The following ATG7 variants were observed in gnomAD, a reference collection of about 807,000 sequenced individuals.
ATG7 encodes the protein autophagy related 7, also known as ubiquitin-like modifier-activating enzyme ATG7.
ATG7 carries 70 observed loss-of-function variants against 82.4 expected under a neutral mutation model. The ratio of observed to expected loss-of-function variants is 0.85; its 90% CI spans 0.70 to 1.04. The LOEUF is 1.04. Among genes scored for constraint, ATG7 ranks in the 50% least tolerant of loss-of-function variants. The pLI, the probability that ATG7 is intolerant of heterozygous loss-of-function variation, is 0.00. For synonymous variants in ATG7, 287 were observed against 313.0 expected, an observed-to-expected ratio of 0.92 and a Z score of 0.88; for missense variants, 792 against 864.3, an observed-to-expected ratio of 0.92 and a Z score of 1.05.
the ATG7 span, among the ~76,000 whole-genome samples, chr3:11,564,412 C>CCG: frequency 1.3e-5 from 2 of 151,690 alleles, no homozygotes; most frequent in Admixed American, 1.3e-4. Flanking sequence ...AGGACCCCCC[C>CCG]ACCCGAGGAT....
chr3:11,568,018 G>A, the ATG7 span, among the ~76,000 whole-genome samples: 74 of 152,266 alleles, frequency 4.9e-4, no homozygotes, highest in African/African-American at 1.6e-3. This position sits in a 1 kb window ranked among gnomAD's most constrained non-coding sequence, Gnocchi z 5.9. Flanking sequence ...TCCCTGTTCT[G>A]TGGAGGTTCC....
At chr3:11,273,200 A>T (rs897793442) in intron 1 of ATG7, among the ~76,000 whole-genome samples, 18 of 152,242 alleles carry the variant, frequency 1.2e-4, no homozygotes, top group African/African-American at 4.1e-4. Context: ...AACCCTGTTC[A>T]ACTGTAACCA....
chr3:11,362,801 G>A lies in ATG7; in HGVS notation c.1684-12G>A. On this transcript the variant is annotated splice_polypyrimidine_tract_variant and intron_variant, in intron 16 of 20. Transcript: ENST00000693202. ...GAACGTTCTGCACACACCAATGATTGTTTCTTTGCAGTCAACCAGAGACCG... is the reference window on the plus strand; with the variant it reads ...GAACGTTCTGCACACACCAATGATTATTTCTTTGCAGTCAACCAGAGACCG... The A allele has an allele frequency of 6.2e-7, 1 of 1,612,332 alleles. No homozygotes were observed. The highest frequency in any genetic ancestry group is 8.5e-7 in the Non-Finnish European group (1 of 1,178,640).
the ATG7 span, among the ~76,000 whole-genome samples, chr3:11,573,114 C>A: frequency 6.6e-6 from 1 of 151,448 alleles, no homozygotes. Flanking sequence ...TGCAGTGAGC[C>A]AAGATCGAGC....
At chr3:11,492,492 C>G (rs145477131) in intron 20 of ATG7, among the ~76,000 whole-genome samples, 1,730 of 152,320 alleles carry the variant, frequency 0.011, 31 homozygotes, top group African/African-American at 0.039. Flanking sequence ...TCCAGCCCCT[C>G]CAGGATATTT....
intron 3 of ATG7, chr3:11,290,540 C>T (rs1944800972): frequency 1.1e-5 from 4 of 372,116 alleles, no homozygotes; most frequent in South Asian, 3.8e-5. Context: ...TCCTCTTCTC[C>T]TCCAGGTAGC....
intron 19 of ATG7, among the ~76,000 whole-genome samples, chr3:11,420,724 T>TA (rs2081856940): frequency 6.6e-6 from 1 of 151,672 alleles, no homozygotes; most frequent in South Asian, 2.1e-4. Context: ...TGTCTAAAAA[T>TA]ACATGCATAC....
intron 19 of ATG7, among the ~76,000 whole-genome samples, chr3:11,392,471 C>CA (rs386395940): frequency 1.7e-4 from 26 of 149,364 alleles, no homozygotes; most frequent in Non-Finnish European, 2.8e-4. Flanking sequence ...AAAAAACAAA[C>CA]AAAAAAAACA....
intron 9 of ATG7, among the ~76,000 whole-genome samples, chr3:11,320,762 GT>G (rs1386877880): frequency 2.0e-5 from 3 of 152,244 alleles, no homozygotes; most frequent in African/African-American, 7.2e-5. Context: ...GCATAAATGA[GT>G]TGTGAAGACT....
At chr3:11,364,422 A>C (rs1399075211) in intron 17 of ATG7, among the ~76,000 whole-genome samples, 1 of 152,212 alleles carries the variant, frequency 6.6e-6, no homozygotes, top group African/African-American at 2.4e-5. Context: ...GAAGCACAGA[A>C]AAGTTAAGCA....
intron 20 of ATG7, among the ~76,000 whole-genome samples, chr3:11,492,511 C>A (rs959135799): frequency 1.3e-5 from 2 of 152,202 alleles, no homozygotes; most frequent in African/African-American, 4.8e-5. Flanking sequence ...TTTCTTGACA[C>A]CCTTTGCTGA....
chr3:11,367,981 G>C (rs1371089704), intron 18 of ATG7, among the ~76,000 whole-genome samples: 1 of 151,954 alleles, frequency 6.6e-6, no homozygotes, highest in Non-Finnish European at 1.5e-5. Flanking sequence ...TCAGAACAAA[G>C]TAACTATCAA....
chr3:11,485,937 T>G (rs2089581247), intron 20 of ATG7, among the ~76,000 whole-genome samples: 1 of 152,182 alleles, frequency 6.6e-6, no homozygotes, highest in African/African-American at 2.4e-5. Flanking sequence ...CTGTTTTGGT[T>G]ACTGTAGCCT....
intron 20 of ATG7, among the ~76,000 whole-genome samples, chr3:11,502,033 C>T (rs201908905): frequency 9.6e-5 from 4 of 41,518 alleles, no homozygotes; most frequent in East Asian, 0.042. Flanking sequence ...CATATATACA[C>T]ACATACACAC....
At chr3:11,318,125 C>T (rs73125426) in intron 9 of ATG7, among the ~76,000 whole-genome samples, 2,539 of 152,268 alleles carry the variant, frequency 0.017, 67 homozygotes, top group African/African-American at 0.057. Flanking sequence ...CTGGGGTCTC[C>T]TCTGAAGTGC....
rs112866544 is a variant in ATG7 at position 11,413,427 on chromosome 3, T to TC, written c.1957-13370dup. Among the ~76,000 whole-genome samples the TC allele has an allele frequency of 4.0e-3, 610 of 152,132 alleles. 6 individuals are homozygous for TC. The highest frequency in any genetic ancestry group is 0.013 in the African/African-American group (557 of 41,494). On this transcript the variant is annotated intron_variant, in intron 19 of 20. Coordinates refer to ENST00000693202, the MANE Select transcript of ATG7 (RefSeq NM_001349232.2). ...CATCAATCGAGATGATTGTGTGGCT[T>TC]CCCCCCCGCCCCACTTTCTTCAGTT...
chr3:11,419,402 A>T (rs1385280009), intron 19 of ATG7, among the ~76,000 whole-genome samples: 1 of 152,110 alleles, frequency 6.6e-6, no homozygotes. Context: ...AACAATACAA[A>T]AATTAGCCAG....
chr3:11,274,863 G>T (rs183744975), intron 1 of ATG7, among the ~76,000 whole-genome samples: 7 of 151,908 alleles, frequency 4.6e-5, no homozygotes, highest in Non-Finnish European at 1.0e-4. Flanking sequence ...CAGAAGTTTG[G>T]ACTCTAAAAT....
At chr3:11,346,914 C>G (rs746592927) in intron 13 of ATG7, among the ~76,000 whole-genome samples, 2 of 152,230 alleles carry the variant, frequency 1.3e-5, no homozygotes, top group African/African-American at 2.4e-5. Context: ...ATCTTGGGTC[C>G]TTGTTGGCTG....
Sources: allele counts gnomAD v4.1 joint callset (sites outside exome capture counted in the v4.1 genomes callset), GRCh38; gene constraint gnomAD v4.1.1; non-coding constraint Gnocchi (gnomAD v3.1); transcripts MANE v1.5; gene names NCBI Gene and HGNC (gene_info 2026-07-23, HGNC 2026-07-21).